Variants in ZBTB7C observed in about 807,000 individuals in gnomAD.
ZBTB7C encodes zinc finger and BTB domain-containing protein 7C.
A neutral mutation model predicts 25.7 loss-of-function variants in ZBTB7C; 8 were observed. The ratio of observed to expected loss-of-function variants is 0.31; its 90% confidence interval spans 0.18 to 0.56. The LOEUF (loss-of-function observed/expected upper bound fraction) is 0.56. ZBTB7C is among the 20% of genes least tolerant of loss of function. The pLI, the probability that ZBTB7C is intolerant of heterozygous loss-of-function variation, is 0.91. For missense variants in ZBTB7C, 824 were observed against 855.2 expected (o/e 0.96, Z 0.46); for synonymous variants, 394 against 369.0 (o/e 1.07, Z -0.78).
intron 2 of ZBTB7C, among the ~76,000 whole-genome samples, chr18:48,293,993 T>C (rs2045312875): frequency 6.6e-6 from 1 of 152,220 alleles, no homozygotes; most frequent in Non-Finnish European, 1.5e-5. Flanking sequence ...GTGGCCGTGT[T>C]TCTTGGGTGA....
In ZBTB7C at chr18:48,404,634, G is replaced by A. The variant is rs543667628; in HGVS notation, c.-304+4592C>T. ...TCCACTGGGGTTAGCGGTATGGAGG[G>A]GCCAATCAACTTGGCCCCAGGGTTC... On this transcript the variant is annotated intron_variant, in intron 1 of 4. Transcript: ENST00000590800. 3.9e-5 allele frequency among the ~76,000 whole-genome samples: 6 copies of A among 152,206 alleles called. No homozygotes were observed. The East Asian group carries it at 1.2e-3, about 29-fold the overall frequency.
chr18:48,155,573 G>C (rs981765643), intron 3 of ZBTB7C, among the ~76,000 whole-genome samples: 1 of 151,500 alleles, frequency 6.6e-6, no homozygotes, highest in African/African-American at 2.4e-5. Flanking sequence ...CTGACCTCAT[G>C]ATCTGCCCGC....
At chr18:48,190,549 G>A (rs1423911178) in intron 2 of ZBTB7C, among the ~76,000 whole-genome samples, 1 of 152,108 alleles carries the variant, frequency 6.6e-6, no homozygotes, top group East Asian at 1.9e-4. Context: ...TGAACTCAGG[G>A]GCCCTTTGCA....
At chr18:48,064,467 G>C (rs2037244742) in intron 3 of ZBTB7C, among the ~76,000 whole-genome samples, 1 of 152,264 alleles carries the variant, frequency 6.6e-6, no homozygotes, top group Non-Finnish European at 1.5e-5. Context: ...AATAGGCCAG[G>C]TGTGGTGGCT....
chr18:48,231,241 C>T (rs1386857098), intron 2 of ZBTB7C, among the ~76,000 whole-genome samples: 1 of 152,188 alleles, frequency 6.6e-6, no homozygotes, highest in Non-Finnish European at 1.5e-5. Flanking sequence ...GCCATTTCCA[C>T]AGACCAGAGT....
At chr18:48,282,922 G>T (rs767195259) in intron 2 of ZBTB7C, among the ~76,000 whole-genome samples, 5 of 152,218 alleles carry the variant, frequency 3.3e-5, no homozygotes, top group African/African-American at 4.8e-5. Context: ...TCATGATTTA[G>T]ATGCTAGGCT....
chr18:48,380,970 T>A (rs939125922), intron 1 of ZBTB7C, among the ~76,000 whole-genome samples: 2 of 152,302 alleles, frequency 1.3e-5, no homozygotes, highest in African/African-American at 4.8e-5. Context: ...GCAGGACATG[T>A]ACAGAGAATC....
chr18:48,201,526 C>A (rs891644054), intron 2 of ZBTB7C, among the ~76,000 whole-genome samples: 1 of 152,024 alleles, frequency 6.6e-6, no homozygotes, highest in Non-Finnish European at 1.5e-5. Flanking sequence ...TCATGGCATT[C>A]GATTTTCCAC....
intron 3 of ZBTB7C, among the ~76,000 whole-genome samples, chr18:48,088,973 C>T (rs2038302254): frequency 6.6e-6 from 1 of 152,170 alleles, no homozygotes; most frequent in Non-Finnish European, 1.5e-5. Context: ...ACTAAAGATA[C>T]TTGGATGCAA....
chr18:48,334,069 C>T (rs1008228310), intron 2 of ZBTB7C, among the ~76,000 whole-genome samples: 3 of 152,152 alleles, frequency 2.0e-5, no homozygotes, highest in African/African-American at 7.2e-5. Flanking sequence ...TCACCAGACC[C>T]AAGCCAGGGA....
intron 2 of ZBTB7C, among the ~76,000 whole-genome samples, chr18:48,327,715 C>T (rs1199354449): frequency 2.6e-5 from 4 of 152,166 alleles, no homozygotes; most frequent in African/African-American, 9.7e-5. Flanking sequence ...TGCAAACATG[C>T]TCTTCCCCTC....
At chr18:48,236,864 T>G (rs562345812) in intron 2 of ZBTB7C, among the ~76,000 whole-genome samples, 1 of 152,310 alleles carries the variant, frequency 6.6e-6, no homozygotes, top group South Asian at 2.1e-4. Context: ...CAGGTAGCTT[T>G]GCAGAGGAAA....
In ZBTB7C at chr18:48,340,463, G is replaced by A. The variant is rs557557493; in HGVS notation, c.-303-2065C>T. Among the ~76,000 whole-genome samples, 18 of 152,312 alleles carry A rather than the reference G, an allele frequency of 1.2e-4. No individual in the cohort carries two copies. The South Asian group carries it at 2.5e-3, about 21-fold the overall frequency. The stretch of plus-strand genomic sequence containing the variant: ...CTGGCATCATCGCTCTTTGTCCCAG[G>A]CTGTCCATGGATCCTTGTTCAGCCT... On this transcript the variant is annotated intron_variant, in intron 1 of 4. Coordinates refer to ENST00000590800, the MANE Select transcript of ZBTB7C (RefSeq NM_001318841.2).
chr18:48,044,401 T>C (rs1427928931), intron 3 of ZBTB7C, among the ~76,000 whole-genome samples: 1 of 152,194 alleles, frequency 6.6e-6, no homozygotes, highest in East Asian at 1.9e-4. Flanking sequence ...TTCCCCACTG[T>C]AGTGGTGGGC....
At chr18:48,199,693 TTC>T (rs1317338186) in intron 2 of ZBTB7C, among the ~76,000 whole-genome samples, 1 of 150,454 alleles carries the variant, frequency 6.6e-6, no homozygotes, top group Non-Finnish European at 1.5e-5. Context: ...TCCCCTCTCT[TTC>T]TCTCTGTCTC....
chr18:48,094,556 G>C (rs1049760159), intron 3 of ZBTB7C, among the ~76,000 whole-genome samples: 6 of 152,194 alleles, frequency 3.9e-5, no homozygotes, highest in African/African-American at 1.4e-4. Context: ...AGATTAGGTA[G>C]AAGGTAGATT....
chr18:48,079,963 C>A (rs1179132344), intron 3 of ZBTB7C, among the ~76,000 whole-genome samples: 1 of 152,258 alleles, frequency 6.6e-6, no homozygotes, highest in Non-Finnish European at 1.5e-5. Context: ...GCTTTCCACT[C>A]CTCTGACAGC....
chr18:48,142,992 T>C (rs952614355), intron 3 of ZBTB7C, among the ~76,000 whole-genome samples: 1 of 152,228 alleles, frequency 6.6e-6, no homozygotes, highest in Admixed American at 6.5e-5. Context: ...TCCACCCTTA[T>C]GGAGCTGACC....
chr18:48,061,536 A>G (rs1391258433), intron 3 of ZBTB7C, among the ~76,000 whole-genome samples: 1 of 152,218 alleles, frequency 6.6e-6, no homozygotes, highest in Non-Finnish European at 1.5e-5. Context: ...CAATTCCATC[A>G]GCATACTCAA....
Sources: gnomAD v4.1 joint callset for allele counts (sites outside exome capture counted in the v4.1 genomes callset) on GRCh38, gnomAD v4.1.1 for gene constraint, MANE v1.5 for transcripts, NCBI Gene and HGNC (gene_info 2026-07-23, HGNC 2026-07-21) for gene names.